FOXN3: variants seen among roughly 807,000 people sequenced by gnomAD.
FOXN3 encodes the protein forkhead box N3.
In FOXN3, 7 loss-of-function variants were observed where a neutral mutation model predicts 38.4. The observed-to-expected ratio is 0.18, with a 90% CI of 0.10 to 0.34. The LOEUF is 0.34. Among genes scored for constraint, FOXN3 ranks in the 10% least tolerant of loss-of-function variants. The probability of loss-of-function intolerance (pLI) is 1.00; values close to 1 mark genes in which losing one functional copy is unlikely to be tolerated. For synonymous variants in FOXN3, 230 were observed against 242.2 expected, an observed-to-expected ratio of 0.95 and a Z score of 0.47; for missense variants, 456 against 613.4, an observed-to-expected ratio of 0.74 and a Z score of 2.71.
chr14:89,367,265 C>A (rs1566969900), intron 2 of FOXN3, among the ~76,000 whole-genome samples: 1 of 152,214 alleles, frequency 6.6e-6, no homozygotes, highest in Non-Finnish European at 1.5e-5. Flanking sequence ...TAAGGAGACA[C>A]TGCCTCTACA....
intron 5 of FOXN3, among the ~76,000 whole-genome samples, chr14:89,169,562 A>C (rs1390055879): frequency 6.6e-6 from 1 of 151,960 alleles, no homozygotes; most frequent in African/African-American, 2.4e-5. Flanking sequence ...AACACACACA[A>C]AGAAACAAAA....
chr14:89,537,934 A>C (rs530012622), intron 1 of FOXN3, among the ~76,000 whole-genome samples: 1 of 152,356 alleles, frequency 6.6e-6, no homozygotes, highest in Admixed American at 6.5e-5. Flanking sequence ...CTGTCACAAT[A>C]GTAAATATAA....
chr14:89,261,556 G>T (rs1487820767), intron 4 of FOXN3, among the ~76,000 whole-genome samples: 1 of 152,174 alleles, frequency 6.6e-6, no homozygotes, highest in African/African-American at 2.4e-5. Context: ...CACTTTGGGA[G>T]GCTGAGGTGG....
chr14:89,515,032 G>T (rs571219733), intron 1 of FOXN3, among the ~76,000 whole-genome samples: 2 of 151,808 alleles, frequency 1.3e-5, no homozygotes, highest in East Asian at 3.9e-4. Context: ...CAATTCTCCT[G>T]CCTCAGCCTC....
intron 4 of FOXN3, among the ~76,000 whole-genome samples, chr14:89,204,792 C>CTCCATCCA (rs142220885): frequency 0.026 from 3,908 of 150,748 alleles, 167 homozygotes; most frequent in African/African-American, 0.083. Flanking sequence ...GAGACATAGG[C>CTCCATCCA]TCCATCCATC....
At chr14:89,550,969 G>T (rs1289508993) in intron 1 of FOXN3, among the ~76,000 whole-genome samples, 1 of 152,164 alleles carries the variant, frequency 6.6e-6, no homozygotes, top group African/African-American at 2.4e-5. Flanking sequence ...CTTCTTGTTG[G>T]AATAATGGTG....
chr14:89,274,870 C>T (rs1255812824), intron 4 of FOXN3, among the ~76,000 whole-genome samples: 2 of 152,176 alleles, frequency 1.3e-5, no homozygotes, highest in African/African-American at 2.4e-5. Flanking sequence ...TTTGCCCCAT[C>T]CTGAGAACTG....
intron 1 of FOXN3, among the ~76,000 whole-genome samples, chr14:89,543,320 C>T (rs1265058528): frequency 6.6e-6 from 1 of 152,094 alleles, no homozygotes; most frequent in African/African-American, 2.4e-5. Flanking sequence ...TCCTTAGGGG[C>T]CAAGGAGGCA....
At chr14:89,206,400 G>A (rs1888386465) in intron 4 of FOXN3, among the ~76,000 whole-genome samples, 1 of 152,012 alleles carries the variant, frequency 6.6e-6, no homozygotes, top group Non-Finnish European at 1.5e-5. Flanking sequence ...TCTTCAGTTT[G>A]TATCTGGGGC....
chr14:89,265,858 C>T (rs547073357), intron 4 of FOXN3, among the ~76,000 whole-genome samples: 4 of 152,306 alleles, frequency 2.6e-5, no homozygotes, highest in Admixed American at 2.6e-4. Context: ...CAAGTTAAAA[C>T]AATTTCCAAG....
At chr14:89,515,165 T>G (rs1894177024) in intron 1 of FOXN3, among the ~76,000 whole-genome samples, 1 of 151,820 alleles carries the variant, frequency 6.6e-6, no homozygotes, top group Non-Finnish European at 1.5e-5. Context: ...TCAAGTGACC[T>G]GCCCACCTCG....
intron 3 of FOXN3, among the ~76,000 whole-genome samples, chr14:89,322,658 C>A (rs949136997): frequency 6.6e-6 from 1 of 152,092 alleles, no homozygotes; most frequent in Non-Finnish European, 1.5e-5. Flanking sequence ...TGCTTCTCTG[C>A]AAGGAACTGT....
At chr14:89,562,300 G>A (rs993070658) in intron 1 of FOXN3, among the ~76,000 whole-genome samples, 9 of 151,762 alleles carry the variant, frequency 5.9e-5, no homozygotes, top group African/African-American at 1.7e-4. Flanking sequence ...TTGCTCTGTC[G>A]CCCAGGCTGG....
intron 4 of FOXN3, among the ~76,000 whole-genome samples, chr14:89,219,409 T>C (rs1884383523): frequency 6.6e-6 from 1 of 152,216 alleles, no homozygotes; most frequent in South Asian, 2.1e-4. Context: ...GGTATGTCTT[T>C]ATAGCAGTGT....
At chr14:89,277,452 T>C (rs1886333231) in intron 4 of FOXN3, among the ~76,000 whole-genome samples, 1 of 152,198 alleles carries the variant, frequency 6.6e-6, no homozygotes, top group Non-Finnish European at 1.5e-5. Context: ...GCAGCCTAAA[T>C]GGCATTTAAA....
chr14:89,317,105 C>T (rs1887741892), intron 3 of FOXN3, among the ~76,000 whole-genome samples: 1 of 152,216 alleles, frequency 6.6e-6, no homozygotes, highest in Non-Finnish European at 1.5e-5. Flanking sequence ...TGTAGTTTGA[C>T]AGGTGACTTT....
intron 1 of FOXN3, among the ~76,000 whole-genome samples, chr14:89,520,475 A>C (rs1894296948): frequency 2.0e-5 from 3 of 152,206 alleles, no homozygotes; most frequent in Non-Finnish European, 2.9e-5. Context: ...TAGAAATAGA[A>C]AGATGAAATC....
At chr14:89,209,248 G>A (rs575534871) in intron 4 of FOXN3, among the ~76,000 whole-genome samples, 1 of 152,206 alleles carries the variant, frequency 6.6e-6, no homozygotes, top group South Asian at 2.1e-4. Flanking sequence ...CAAAGCCCAG[G>A]CAGCTAATCT....
intron 2 of FOXN3, among the ~76,000 whole-genome samples, chr14:89,384,233 G>T (rs1367512774): frequency 6.6e-6 from 1 of 152,222 alleles, no homozygotes; most frequent in East Asian, 1.9e-4. Context: ...AGCGATGGAT[G>T]GCTGCCCTGG....
Sources: allele counts gnomAD v4.1 joint callset (sites outside exome capture counted in the v4.1 genomes callset), GRCh38; gene constraint gnomAD v4.1.1; transcripts MANE v1.5; gene names NCBI Gene and HGNC (gene_info 2026-07-23, HGNC 2026-07-21).